Variants in MRPS9 observed in about 807,000 individuals in gnomAD.
The protein encoded by MRPS9 is mitochondrial ribosomal protein S9.
Under a neutral mutation model 59.9 loss-of-function variants are expected in MRPS9, and 45 were observed. That is an observed-to-expected ratio of 0.75 (90% CI 0.59 to 0.96). The LOEUF is 0.96. MRPS9 is among the 40% of genes least tolerant of loss of function. The pLI, the probability that MRPS9 is intolerant of heterozygous loss-of-function variation, is 0.00. For missense variants in MRPS9, 473 were observed against 481.1 expected, an observed-to-expected ratio of 0.98 and a Z score of 0.16; for synonymous variants, 171 against 166.8, an observed-to-expected ratio of 1.03 and a Z score of -0.19.
In MRPS9 at chr2:105,099,750, A is replaced by T; in HGVS notation, c.1180A>T (p.Lys394Ter). 6.2e-7 allele frequency: 1 copy of T among 1,614,172 alleles called. No individual in the cohort carries two copies. Among genetic ancestry groups the T allele is most frequent in the Non-Finnish European group, 8.5e-7 (1 of 1,180,018 alleles). The change falls in exon 11 of 11, where the codon AAG (lysine) becomes TAG (stop). Residue 394 changes from lysine (K) to a stop codon, truncating the protein, a stop_gained. Coordinates refer to ENST00000258455, the MANE Select transcript of MRPS9 (RefSeq NM_182640.3). LOFTEE classifies it high-confidence loss of function. ...GGGAGCCCGCAGAAAGTTTACGTGG[A>T]AGAAACGCTAAGGGTTTGCTCCCAG... ...QEGARRKFTW[K>*]KR is the part of the protein sequence containing the mutation.
In MRPS9 at chr2:105,060,429, C is replaced by T. The variant is rs907537514; in HGVS notation, c.316-10884C>T. The stretch of plus-strand genomic sequence containing the variant: ...CCCAAGTATCTGAGATTACACGTGG[C>T]GCCACCGCGCCTGACTAATTTTTAT... On this transcript the variant is annotated intron_variant, in intron 2 of 10. Transcript: ENST00000258455. Among the ~76,000 whole-genome samples the T allele has an allele frequency of 7.2e-5, 11 of 152,158 alleles. No homozygotes were observed. In the East Asian group the frequency reaches 1.6e-3, roughly 21 times the overall value.
chr2:105,081,726 A>T (rs1348943440), intron 5 of MRPS9, among the ~76,000 whole-genome samples: 1 of 152,218 alleles, frequency 6.6e-6, no homozygotes, highest in Non-Finnish European at 1.5e-5. Flanking sequence ...ATGTCAAATG[A>T]TATCTGATTA....
At chr2:105,085,017 T>C (rs1680420669) in intron 5 of MRPS9, among the ~76,000 whole-genome samples, 1 of 152,190 alleles carries the variant, frequency 6.6e-6, no homozygotes, top group African/African-American at 2.4e-5. Flanking sequence ...ATATGCTGTC[T>C]GAGTTATAAG....
Position 105,089,995 on chromosome 2 carries a change from T to C in MRPS9, c.651T>C (p.Asp217=). The C allele has an allele frequency of 4.4e-6, 7 of 1,573,892 alleles. No individual in the cohort carries two copies. Among genetic ancestry groups the C allele is most frequent in the African/African-American group, 1.4e-5 (1 of 73,780 alleles). ...TAGTGGAAAAACTGTCAGATCTAGA[T>C]GTGAGTAATTAATCTTTTTAATTTA... ...EMLVEKLSDL[D]YMQFIRLLEK... The change falls in exon 7 of 11, where the codon GAT becomes GAC. Residue 217 remains aspartate (D), a splice_region_variant and synonymous_variant. Coordinates refer to ENST00000258455, the MANE Select transcript of MRPS9 (RefSeq NM_182640.3).
intron 5 of MRPS9, among the ~76,000 whole-genome samples, chr2:105,084,087 G>A (rs12618715): frequency 0.22 from 32,855 of 151,834 alleles, 3,623 homozygotes; most frequent in Middle Eastern, 0.35. Context: ...AGTCTTTAAG[G>A]AAAGGAAAGT....
rs1680031996 is a variant in MRPS9 at position 105,067,828 on chromosome 2, A to T, written c.316-3485A>T. 2.0e-5 allele frequency among the ~76,000 whole-genome samples: 3 copies of T among 151,972 alleles called. No individual in the cohort carries two copies. In the South Asian group the frequency reaches 6.2e-4, roughly 31 times the overall value. ...ATTGAGTGTGTTGTGAAGCATTATC[A>T]TTATTCTTTTATTTTCAGAGACAGG... is the stretch of plus-strand genomic sequence containing the variant. On this transcript the variant is annotated intron_variant, in intron 2 of 10. Transcript: ENST00000258455.
chr2:105,089,640 C>T (rs1680518771), intron 6 of MRPS9, among the ~76,000 whole-genome samples: 2 of 152,162 alleles, frequency 1.3e-5, no homozygotes, highest in Admixed American at 1.3e-4. Context: ...TATACAGGCA[C>T]AATTTTAATC....
intron 2 of MRPS9, among the ~76,000 whole-genome samples, chr2:105,065,006 A>G (rs1016341553): frequency 7.2e-5 from 11 of 152,268 alleles, no homozygotes; most frequent in African/African-American, 2.4e-4. Flanking sequence ...TATGTGTACT[A>G]TTACAGCAGC....
chr2:105,085,332 C>T (rs1032192109), intron 5 of MRPS9, among the ~76,000 whole-genome samples: 3 of 152,068 alleles, frequency 2.0e-5, no homozygotes, highest in African/African-American at 7.2e-5. Flanking sequence ...AATTGATTTT[C>T]TGTGATTTCT....
At chr2:105,097,065 T>C in intron 9 of MRPS9, 90 bp from the exon 10 acceptor site, 2 of 1,320,478 alleles carry the variant, frequency 1.5e-6, no homozygotes, top group Non-Finnish European at 2.0e-6. Context: ...TGCAGAATAT[T>C]GTTTTTATGA....
intron 4 of MRPS9, among the ~76,000 whole-genome samples, chr2:105,078,326 G>A (rs1373695482): frequency 4.6e-5 from 7 of 151,324 alleles, no homozygotes; most frequent in Non-Finnish European, 1.0e-4. Context: ...GTGTGTGTGT[G>A]TGTGTGTGTG....
intron 9 of MRPS9, among the ~76,000 whole-genome samples, chr2:105,096,711 G>A (rs1680667550): frequency 6.6e-6 from 1 of 152,120 alleles, no homozygotes; most frequent in Non-Finnish European, 1.5e-5. Context: ...ACATTATACA[G>A]ATACACTTAT....
chr2:105,054,056 G>A (rs1679757195), intron 2 of MRPS9, among the ~76,000 whole-genome samples: 1 of 152,094 alleles, frequency 6.6e-6, no homozygotes, highest in African/African-American at 2.4e-5. Context: ...AAATGATCTT[G>A]TAGAAAAATA....
chr2:105,040,382 C>A (rs112523647), intron 1 of MRPS9, among the ~76,000 whole-genome samples: 172 of 152,182 alleles, frequency 1.1e-3, no homozygotes, highest in Admixed American at 2.7e-3. Context: ...TTACAGAAAA[C>A]TTGAAGGGTG....
chr2:105,064,225 G>A lies in MRPS9; in HGVS notation c.316-7088G>A, dbSNP rs559447117. ...GGAAACTTTCAGAGAGGTAGGAGGG[G>A]AATGTGGCTGCAAGAAGGAAGGGAG... On this transcript the variant is annotated intron_variant, in intron 2 of 10. Coordinates refer to ENST00000258455, the MANE Select transcript of MRPS9 (RefSeq NM_182640.3). Among the ~76,000 whole-genome samples the A allele has an allele frequency of 3.3e-5, 5 of 152,262 alleles. No homozygotes were observed. The East Asian group carries it at 9.7e-4, about 30-fold the overall frequency.
intron 2 of MRPS9, among the ~76,000 whole-genome samples, chr2:105,064,364 A>G (rs1033670046): frequency 5.9e-5 from 9 of 152,184 alleles, no homozygotes; most frequent in Non-Finnish European, 1.0e-4. Context: ...GCCAGATTGA[A>G]ATCTGGGGAA....
chr2:105,047,906 G>A (rs555603271), intron 1 of MRPS9, among the ~76,000 whole-genome samples: 9 of 151,946 alleles, frequency 5.9e-5, no homozygotes, highest in African/African-American at 2.2e-4. Flanking sequence ...GTAATGGGAT[G>A]GCTGGGTCAA....
chr2:105,056,190 C>CT (rs34661850), intron 2 of MRPS9, among the ~76,000 whole-genome samples: 23,669 of 135,590 alleles, frequency 0.17, 2,287 homozygotes, highest in East Asian at 0.29. Context: ...GGATAGGTAT[C>CT]TTTTTTTTTT....
intron 9 of MRPS9, among the ~76,000 whole-genome samples, chr2:105,094,180 A>G (rs1248573422): frequency 2.0e-5 from 3 of 152,240 alleles, no homozygotes; most frequent in African/African-American, 4.8e-5. Context: ...ATATTGAGCA[A>G]GCAAAGAAAC....
Sources: gnomAD v4.1 joint callset for allele counts (sites outside exome capture counted in the v4.1 genomes callset) on GRCh38, gnomAD v4.1.1 for gene constraint, MANE v1.5 for transcripts, NCBI Gene and HGNC (gene_info 2026-07-23, HGNC 2026-07-21) for gene names.